The following YEATS2 variants were observed in gnomAD, a reference collection of about 807,000 sequenced individuals.
YEATS2 encodes YEATS domain-containing protein 2.
A neutral mutation model predicts 163.2 loss-of-function variants in YEATS2; 77 were observed. The observed-to-expected ratio is 0.47, with a 90% CI of 0.39 to 0.57. The LOEUF is 0.57. Among genes scored for constraint, YEATS2 ranks in the 20% least tolerant of loss-of-function variants. The pLI is 0.00. For missense variants in YEATS2, 1,549 were observed against 1,729.8 expected (o/e 0.90, Z 1.85); for synonymous variants, 631 against 645.1 (o/e 0.98, Z 0.33).
intron 1 of YEATS2, among the ~76,000 whole-genome samples, chr3:183,710,230 C>T (rs1715055883): frequency 6.6e-6 from 1 of 152,162 alleles, no homozygotes; most frequent in Non-Finnish European, 1.5e-5. Context: ...TTGACCATAT[C>T]TAACAACTGC....
chr3:183,715,100 T>G lies in YEATS2; in HGVS notation c.-19-44T>G. On this transcript the variant is annotated intron_variant, in intron 1 of 30. Coordinates refer to ENST00000305135, the MANE Select transcript of YEATS2 (RefSeq NM_018023.5). The stretch of plus-strand genomic sequence containing the variant: ...TGCAGTGTTACTACAACCCAACTAT[T>G]TAACTGAATAATTAAAAATTATTAA... The G allele has an allele frequency of 3.2e-6, 4 of 1,268,750 alleles. No individual in the cohort carries two copies. The South Asian group carries it at 3.8e-5, about 12-fold the overall frequency. 78.6% of individuals were successfully genotyped at this position (1,268,750 alleles called of 1,614,324 possible). A position where few individuals can be genotyped will look rare whatever the true frequency, so the allele number is the denominator to read the frequency against.
intron 5 of YEATS2, among the ~76,000 whole-genome samples, chr3:183,723,981 A>G (rs1375508826): frequency 2.6e-5 from 4 of 152,238 alleles, no homozygotes; most frequent in Non-Finnish European, 4.4e-5. Context: ...GATCATTTCT[A>G]TATGTATTTA....
chr3:183,777,430 G>A, intron 18 of YEATS2, 112 bp from the exon 19 acceptor site: 1 of 1,139,618 alleles, frequency 8.8e-7, no homozygotes, highest in Non-Finnish European at 1.2e-6. Context: ...AATTAAAGGG[G>A]AGAGCGTTGT....
chr3:183,741,713 C>T (rs540849722), intron 8 of YEATS2, among the ~76,000 whole-genome samples: 32 of 151,854 alleles, frequency 2.1e-4, no homozygotes, highest in African/African-American at 7.0e-4. Flanking sequence ...ACCCAGGAGG[C>T]GAAGTTTGCA....
chr3:183,701,585 G>A (rs1412957362), intron 1 of YEATS2, among the ~76,000 whole-genome samples: 4 of 151,762 alleles, frequency 2.6e-5, no homozygotes, highest in African/African-American at 9.7e-5. Flanking sequence ...GTAGAGACAA[G>A]GTCTCCCTAT....
chr3:183,697,901 A>AGCTCCGCGGGGCT lies in YEATS2; in HGVS notation c.-111_-99dup, dbSNP rs1713638340. ...GGTCGCTGGGGCCTTGTGGCGGGGC[A>AGCTCCGCGGGGCT]GCTCCGCGGGGCTTCGCCCGCTCTC... On this transcript the variant is annotated 5_prime_UTR_variant, in exon 1 of 31. Transcript: ENST00000305135. The AGCTCCGCGGGGCT allele has an allele frequency of 1.3e-5, 2 of 150,186 alleles. No individual in the cohort carries two copies. The highest frequency in any genetic ancestry group is 4.9e-5 in the African/African-American group (2 of 41,216). 9.3% of individuals were successfully genotyped at this position (150,186 alleles called of 1,614,324 possible).
chr3:183,730,060 T>TTTTTTTTTTG (rs1717595794), intron 7 of YEATS2, among the ~76,000 whole-genome samples: 1 of 65,990 alleles, frequency 1.5e-5, no homozygotes, highest in Non-Finnish European at 2.8e-5. Flanking sequence ...TTGTTTTTTT[T>TTTTTTTTTTG]TTTTTTTTTT....
intron 3 of YEATS2, 105 bp from the exon 4 acceptor site, chr3:183,718,395 G>A: frequency 1.2e-6 from 1 of 811,276 alleles, no homozygotes; most frequent in Non-Finnish European, 1.9e-6. Context: ...TAGAGAAGTT[G>A]AGCTTTTTTT....
intron 21 of YEATS2, among the ~76,000 whole-genome samples, chr3:183,791,477 A>T (rs1724648328): frequency 6.6e-6 from 1 of 152,214 alleles, no homozygotes; most frequent in African/African-American, 2.4e-5. Flanking sequence ...GAGACTTTAA[A>T]TTATCATTTG....
At chr3:183,757,062 C>G (rs1335799119) in intron 12 of YEATS2, among the ~76,000 whole-genome samples, 1 of 152,034 alleles carries the variant, frequency 6.6e-6, no homozygotes, top group Non-Finnish European at 1.5e-5. Context: ...TACCGTTCTC[C>G]CCAGTCAAAT....
intron 21 of YEATS2, among the ~76,000 whole-genome samples, chr3:183,795,189 AAG>A (rs1444674710): frequency 5.6e-5 from 8 of 141,782 alleles, no homozygotes; most frequent in Admixed American, 2.0e-4. Flanking sequence ...AAAAAAGAAA[AAG>A]AAAAAAAGAA....
chr3:183,722,405 C>T (rs1040861461), intron 5 of YEATS2, among the ~76,000 whole-genome samples: 10 of 149,598 alleles, frequency 6.7e-5, no homozygotes, highest in Admixed American at 6.7e-5. Flanking sequence ...TCTCCTGCTT[C>T]AGCCTCCTGA....
intron 1 of YEATS2, among the ~76,000 whole-genome samples, chr3:183,703,208 G>C (rs1714289465): frequency 6.6e-6 from 1 of 152,064 alleles, no homozygotes; most frequent in Non-Finnish European, 1.5e-5. Context: ...TCGCCATTCA[G>C]GTCCAGTATA....
chr3:183,715,160 A>C lies in YEATS2; in HGVS notation c.-3A>C. 1.2e-6 allele frequency: 2 copies of C among 1,607,112 alleles called. No homozygotes were observed. The highest frequency in any genetic ancestry group is 8.5e-7 in the Non-Finnish European group (1 of 1,174,442). On this transcript the variant is annotated 5_prime_UTR_variant, in exon 2 of 31. Transcript: ENST00000305135. ...GCTTCACAGTGAAGAACTGAATGTC[A>C]TCATGTCTGGAATCAAGCGAACCAT...
rs1726828652 is a variant in YEATS2, at chr3:183,811,837, G to C, written c.*1254G>C. The C allele has an allele frequency of 6.6e-6, 1 of 152,290 alleles. No homozygotes were observed. Among genetic ancestry groups the C allele is most frequent in the Admixed American group, 6.5e-5 (1 of 15,290 alleles). The allele number at this position is 152,290 out of a possible 1,614,324, so 9.4% of individuals were successfully genotyped here. Reference sequence around the variant, plus strand: ...ATCGGAAACCTGTGAGTCAGAGTCAGAGAAACTTACCCAAGCAACGTAATT... The same window carrying C: ...ATCGGAAACCTGTGAGTCAGAGTCACAGAAACTTACCCAAGCAACGTAATT... On this transcript the variant is annotated 3_prime_UTR_variant, in exon 31 of 31. Transcript: ENST00000305135.
chr3:183,772,183 C>T, intron 15 of YEATS2, 122 bp from the exon 16 acceptor site: 4 of 1,385,846 alleles, frequency 2.9e-6, no homozygotes, highest in African/African-American at 1.4e-5. Context: ...GGTAGCTTTC[C>T]TAGATGACTG....
intron 6 of YEATS2, among the ~76,000 whole-genome samples, chr3:183,727,847 TG>T (rs1717279849): frequency 1.3e-5 from 2 of 152,050 alleles, no homozygotes; most frequent in South Asian, 4.1e-4. Flanking sequence ...CCCTGAAACC[TG>T]AATGAAATCA....
At chr3:183,724,320 A>C (rs892471818) in intron 5 of YEATS2, 99 bp from the exon 6 acceptor site, 91 of 886,172 alleles carry the variant, frequency 1.0e-4, no homozygotes, top group Non-Finnish European at 1.5e-4. Context: ...TTTTTAAAAA[A>C]ACTTAGTTAT....
chr3:183,719,727 A>G (rs954527532), intron 4 of YEATS2, among the ~76,000 whole-genome samples: 3 of 151,908 alleles, frequency 2.0e-5, no homozygotes, highest in South Asian at 4.1e-4. Flanking sequence ...TGCAGTGGCT[A>G]TTCACAAGCA....
Sources: gnomAD v4.1 joint callset for allele counts (sites outside exome capture counted in the v4.1 genomes callset) on GRCh38, gnomAD v4.1.1 for gene constraint, MANE v1.5 for transcripts, NCBI Gene and HGNC (gene_info 2026-07-23, HGNC 2026-07-21) for gene names.